The following CDK6 variants were observed in gnomAD, a reference collection of about 807,000 sequenced individuals.
The protein encoded by CDK6 is cyclin dependent kinase 6.
A neutral mutation model predicts 37.1 loss-of-function variants in CDK6; 6 were observed. The observed-to-expected ratio is 0.16, with a 90% CI of 0.09 to 0.32. The LOEUF (loss-of-function observed/expected upper bound fraction) is 0.32. Ranked by LOEUF, CDK6 falls within the 10% of genes least tolerant of loss-of-function variation. CDK6 has a pLI of 1.00. For synonymous variants in CDK6, 160 were observed against 161.3 expected (o/e 0.99, Z 0.06); for missense variants, 224 against 418.9 (o/e 0.53, Z 4.06).
chr7:92,628,379 G>A (rs1209541953), intron 5 of CDK6, among the ~76,000 whole-genome samples: 1 of 34,942 alleles, frequency 2.9e-5, no homozygotes, highest in African/African-American at 3.7e-4. Flanking sequence ...TTAATACTAA[G>A]GCAACTCTAT....
At chr7:92,707,419 T>C (rs1354371379) in intron 4 of CDK6, among the ~76,000 whole-genome samples, 1 of 152,240 alleles carries the variant, frequency 6.6e-6, no homozygotes, top group Non-Finnish European at 1.5e-5. Context: ...ATAGCCGTTA[T>C]ACTGCTTTTT....
At chr7:92,808,195 T>C (rs1800777451) in intron 2 of CDK6, among the ~76,000 whole-genome samples, 2 of 152,232 alleles carry the variant, frequency 1.3e-5, no homozygotes, top group African/African-American at 4.8e-5. Context: ...AGAACACTCA[T>C]TAAATCAGCA....
At chr7:92,769,869 GT>G (rs199843838) in intron 3 of CDK6, among the ~76,000 whole-genome samples, 7 of 150,470 alleles carry the variant, frequency 4.7e-5, no homozygotes, top group African/African-American at 9.8e-5. Flanking sequence ...TCTGAGAGCT[GT>G]TTTTTTTTCT....
chr7:92,664,403 G>A (rs1037399303), intron 5 of CDK6, among the ~76,000 whole-genome samples: 12 of 152,172 alleles, frequency 7.9e-5, no homozygotes, highest in African/African-American at 2.7e-4. Flanking sequence ...ACTAGGGAGG[G>A]TGCTCAACTA....
At chr7:92,770,050 T>G (rs1408290799) in intron 3 of CDK6, among the ~76,000 whole-genome samples, 1 of 152,060 alleles carries the variant, frequency 6.6e-6, no homozygotes, top group African/African-American at 2.4e-5. Context: ...CAATAAAAAT[T>G]TAATAAAGAT....
intron 2 of CDK6, among the ~76,000 whole-genome samples, chr7:92,826,796 G>C (rs1422899899): frequency 6.6e-6 from 1 of 152,080 alleles, no homozygotes; most frequent in Non-Finnish European, 1.5e-5. Context: ...TGCTAATGCA[G>C]TATACAACTC....
chr7:92,775,774 T>C, intron 2 of CDK6, among the ~76,000 whole-genome samples: 1 of 152,100 alleles, frequency 6.6e-6, no homozygotes, highest in South Asian at 2.1e-4. Context: ...AAAAAGCTAA[T>C]AAAATACTAT....
At chr7:92,642,033 G>T (rs1796319654) in intron 5 of CDK6, among the ~76,000 whole-genome samples, 1 of 152,060 alleles carries the variant, frequency 6.6e-6, no homozygotes, top group Non-Finnish European at 1.5e-5. Context: ...TGACTGTTTG[G>T]AGTTCCCCTG....
At chr7:92,793,979 C>T (rs1456344560) in intron 2 of CDK6, among the ~76,000 whole-genome samples, 1 of 152,036 alleles carries the variant, frequency 6.6e-6, no homozygotes, top group Non-Finnish European at 1.5e-5. Context: ...ATAGTAAAAA[C>T]ACTGAATCAA....
intron 3 of CDK6, among the ~76,000 whole-genome samples, chr7:92,750,156 G>A (rs1366595351): frequency 2.0e-5 from 3 of 152,124 alleles, no homozygotes; most frequent in African/African-American, 4.8e-5. Context: ...CTACATGAGT[G>A]AGAAAAACAC....
At chr7:92,703,471 A>C (rs1450749475) in intron 4 of CDK6, among the ~76,000 whole-genome samples, 6 of 152,242 alleles carry the variant, frequency 3.9e-5, no homozygotes. Context: ...AAGATAGGTA[A>C]AAATACATTT....
intron 3 of CDK6, among the ~76,000 whole-genome samples, chr7:92,759,989 T>C (rs117092853): frequency 0.022 from 3,332 of 152,278 alleles, 56 homozygotes; most frequent in Middle Eastern, 0.037. Context: ...ATTCATAATA[T>C]CTTATCTATT....
At chr7:92,659,529 G>A (rs1796788050) in intron 5 of CDK6, among the ~76,000 whole-genome samples, 1 of 151,696 alleles carries the variant, frequency 6.6e-6, no homozygotes, top group Non-Finnish European at 1.5e-5. Flanking sequence ...AGACAGAGCT[G>A]GTTTATACTT....
At chr7:92,641,595 A>G (rs1424956288) in intron 5 of CDK6, among the ~76,000 whole-genome samples, 2 of 152,218 alleles carry the variant, frequency 1.3e-5, no homozygotes, top group Non-Finnish European at 2.9e-5. Flanking sequence ...TATTTTTGTT[A>G]AATGAAAGAA....
intron 5 of CDK6, among the ~76,000 whole-genome samples, chr7:92,630,744 C>A (rs1195926962): frequency 6.6e-6 from 1 of 152,088 alleles, no homozygotes; most frequent in Non-Finnish European, 1.5e-5. Flanking sequence ...CCCTTCTGCT[C>A]CCTTGTGGAA....
intron 2 of CDK6, among the ~76,000 whole-genome samples, chr7:92,780,824 A>C (rs990319069): frequency 1.3e-5 from 2 of 151,694 alleles, no homozygotes; most frequent in South Asian, 2.1e-4. Flanking sequence ...AACCAAAAAA[A>C]CCCCAAAAAA....
intron 5 of CDK6, among the ~76,000 whole-genome samples, chr7:92,648,737 T>C (rs576653109): frequency 1.3e-5 from 2 of 152,334 alleles, no homozygotes; most frequent in African/African-American, 4.8e-5. Context: ...ATTATCTGTG[T>C]CAGAGAAGAA....
chr7:92,658,551 T>C (rs983620320), intron 5 of CDK6, among the ~76,000 whole-genome samples: 1 of 151,838 alleles, frequency 6.6e-6, no homozygotes, highest in Non-Finnish European at 1.5e-5. Context: ...TGTGTACCTA[T>C]GTATTTTAGC....
intron 4 of CDK6, among the ~76,000 whole-genome samples, chr7:92,672,174 CACACACACAG>C (rs1797092843): frequency 9.5e-6 from 1 of 104,952 alleles, no homozygotes; most frequent in Non-Finnish European, 1.9e-5. Flanking sequence ...CATACACACA[CACACACACAG>C]ACACATACAC....
Sources: allele counts gnomAD v4.1 joint callset (sites outside exome capture counted in the v4.1 genomes callset), GRCh38; gene constraint gnomAD v4.1.1; transcripts MANE v1.5; gene names NCBI Gene and HGNC (gene_info 2026-07-23, HGNC 2026-07-21).